The following THEMIS variants were observed in gnomAD, a reference collection of about 807,000 sequenced individuals.
THEMIS encodes the protein thymocyte selection associated.
Under a neutral mutation model 52.6 loss-of-function variants are expected in THEMIS, and 37 were observed. That is an observed-to-expected ratio of 0.70 (90% CI 0.54 to 0.93). THEMIS has a LOEUF of 0.93. Among genes scored for constraint, THEMIS ranks in the 40% least tolerant of loss-of-function variants. The probability of loss-of-function intolerance (pLI) is 0.00; values close to 1 mark genes in which losing one functional copy is unlikely to be tolerated. For synonymous variants in THEMIS, 292 were observed against 272.7 expected, an observed-to-expected ratio of 1.07 and a Z score of -0.70; for missense variants, 808 against 763.1, an observed-to-expected ratio of 1.06 and a Z score of -0.69.
At chr6:127,857,447 A>G (rs931697824) in intron 1 of THEMIS, among the ~76,000 whole-genome samples, 1 of 152,004 alleles carries the variant, frequency 6.6e-6, no homozygotes, top group Non-Finnish European at 1.5e-5. Context: ...CTAAAATGTA[A>G]GTAAGAAGGA....
chr6:127,836,421 A>G (rs1583333220), intron 2 of THEMIS, among the ~76,000 whole-genome samples: 1 of 152,172 alleles, frequency 6.6e-6, no homozygotes. Context: ...TCCTTGTAAC[A>G]TTGTGCTTTG....
chr6:127,756,427 C>G (rs1280459130), intron 4 of THEMIS, among the ~76,000 whole-genome samples: 1 of 152,136 alleles, frequency 6.6e-6, no homozygotes, highest in Non-Finnish European at 1.5e-5. Flanking sequence ...CATATTTCCT[C>G]TAAACGCTAC....
At chr6:127,779,864 C>A (rs1776685927) in intron 4 of THEMIS, among the ~76,000 whole-genome samples, 2 of 152,064 alleles carry the variant, frequency 1.3e-5, no homozygotes, top group African/African-American at 2.4e-5. Flanking sequence ...CCTAATAGTT[C>A]AAAAATTTCT....
At chr6:127,761,333 C>T (rs1776013758) in intron 4 of THEMIS, among the ~76,000 whole-genome samples, 1 of 151,976 alleles carries the variant, frequency 6.6e-6, no homozygotes, top group Non-Finnish European at 1.5e-5. Context: ...AGAAAAAATG[C>T]CTCTCACTCA....
intron 2 of THEMIS, among the ~76,000 whole-genome samples, chr6:127,835,986 T>A (rs1214394275): frequency 6.6e-6 from 1 of 152,162 alleles, no homozygotes; most frequent in Admixed American, 6.6e-5. Flanking sequence ...AATGCAAATA[T>A]TATGCTGCTC....
intron 1 of THEMIS, among the ~76,000 whole-genome samples, chr6:127,874,822 T>C (rs779858623): frequency 2.5e-4 from 38 of 152,250 alleles, no homozygotes; most frequent in Non-Finnish European, 4.4e-4. Context: ...GGTTGTAATA[T>C]TGTATTACAG....
At position 127,741,089 on chromosome 6, in the gene THEMIS, T is replaced by G. The variant is rs554278776; in HGVS notation, c.1759-21266A>C. Among the ~76,000 whole-genome samples the G allele has an allele frequency of 5.9e-5, 9 of 152,308 alleles. No homozygotes were observed. In the South Asian group the frequency reaches 1.9e-3, roughly 32 times the overall value. On this transcript the variant is annotated intron_variant, in intron 4 of 5. Coordinates refer to ENST00000368248, the MANE Select transcript of THEMIS (RefSeq NM_001010923.3). Reference sequence around the variant, plus strand: ...CTGTAGCTCTGTAGGAAATTCTGTTTTAAATATTCAAACATAGTATCCAAC... The same window carrying G: ...CTGTAGCTCTGTAGGAAATTCTGTTGTAAATATTCAAACATAGTATCCAAC...
At chr6:127,850,651 C>G (rs1018571412) in intron 2 of THEMIS, among the ~76,000 whole-genome samples, 2 of 151,704 alleles carry the variant, frequency 1.3e-5, no homozygotes, top group African/African-American at 4.8e-5. Context: ...AACAAAATAT[C>G]ATATTTTCTC....
chr6:127,785,060 TTATC>T (rs1401887446), intron 4 of THEMIS, among the ~76,000 whole-genome samples: 1 of 151,700 alleles, frequency 6.6e-6, no homozygotes, highest in African/African-American at 2.4e-5. Context: ...ACCTACCTAC[TTATC>T]TATCTACCTA....
intron 4 of THEMIS, among the ~76,000 whole-genome samples, chr6:127,793,229 G>A (rs967003528): frequency 6.6e-6 from 1 of 152,172 alleles, no homozygotes; most frequent in Non-Finnish European, 1.5e-5. Context: ...AGGAAACATT[G>A]GGACGGATTT....
chr6:127,716,053 G>A (rs1294173324), intron 5 of THEMIS, among the ~76,000 whole-genome samples: 1 of 151,858 alleles, frequency 6.6e-6, no homozygotes, highest in Non-Finnish European at 1.5e-5. Context: ...GACAAGCAGT[G>A]ACACAGATTT....
chr6:127,766,806 T>C (rs1776215527), intron 4 of THEMIS, among the ~76,000 whole-genome samples: 1 of 152,224 alleles, frequency 6.6e-6, no homozygotes. Flanking sequence ...GCACTTACTA[T>C]GAATGAAATT....
chr6:127,701,439 A>G, the THEMIS span, among the ~76,000 whole-genome samples: 23 of 152,094 alleles, frequency 1.5e-4, no homozygotes, highest in Middle Eastern at 3.4e-3. Context: ...CTATTCTACT[A>G]CTCCTGGGCA....
intron 1 of THEMIS, among the ~76,000 whole-genome samples, chr6:127,873,098 T>C (rs1780205073): frequency 6.6e-6 from 1 of 152,174 alleles, no homozygotes; most frequent in Non-Finnish European, 1.5e-5. Flanking sequence ...TGTACAGAAC[T>C]TGTATGCTGA....
intron 1 of THEMIS, among the ~76,000 whole-genome samples, chr6:127,916,660 A>G (rs1160451129): frequency 6.6e-6 from 1 of 152,208 alleles, no homozygotes; most frequent in African/African-American, 2.4e-5. Flanking sequence ...AAAATAGTGA[A>G]TTACTGCTTG....
chr6:127,753,669 A>C (rs1775724050), intron 4 of THEMIS, among the ~76,000 whole-genome samples: 2 of 152,114 alleles, frequency 1.3e-5, no homozygotes, highest in African/African-American at 2.4e-5. Context: ...AAAGCTGTTA[A>C]CAAAACATTT....
intron 4 of THEMIS, among the ~76,000 whole-genome samples, chr6:127,746,985 TTATA>T (rs1193224556): frequency 1.2e-5 from 1 of 85,040 alleles, no homozygotes; most frequent in Non-Finnish European, 2.0e-5. Flanking sequence ...TTATATATAA[TTATA>T]TATAGATATC....
At chr6:127,705,184 C>T (rs564626245), downstream of THEMIS, among the ~76,000 whole-genome samples, 51 of 152,274 alleles carry the variant, frequency 3.3e-4, no homozygotes, top group South Asian at 0.01. Flanking sequence ...AGGATGACTA[C>T]ACCTATGAAA....
At chr6:127,867,147 T>C (rs1020419796) in intron 1 of THEMIS, among the ~76,000 whole-genome samples, 6 of 151,904 alleles carry the variant, frequency 3.9e-5, no homozygotes, top group African/African-American at 1.4e-4. Flanking sequence ...GGGAAAACTT[T>C]GAGACAATTG....
Sources: gnomAD v4.1 joint callset for allele counts (sites outside exome capture counted in the v4.1 genomes callset) on GRCh38, gnomAD v4.1.1 for gene constraint, MANE v1.5 for transcripts, NCBI Gene and HGNC (gene_info 2026-07-23, HGNC 2026-07-21) for gene names.